Variants in DDHD1 observed in about 807,000 individuals in gnomAD.
DDHD1 encodes phospholipase DDHD1.
A neutral mutation model predicts 96.4 loss-of-function variants in DDHD1; 49 were observed. The observed-to-expected ratio is 0.51, with a 90% CI of 0.40 to 0.64. The LOEUF is 0.64. Among genes scored for constraint, DDHD1 ranks in the 30% least tolerant of loss-of-function variants. The pLI is 0.00. For synonymous variants in DDHD1, 442 were observed against 446.5 expected (o/e 0.99, Z 0.13); for missense variants, 1,106 against 1,161.2 (o/e 0.95, Z 0.69).
chr14:53,121,422 C>T (rs752340628), intron 1 of DDHD1, among the ~76,000 whole-genome samples: 39 of 152,140 alleles, frequency 2.6e-4, no homozygotes, highest in Admixed American at 1.0e-3. Context: ...CCAGCAATCC[C>T]GTTACTGGGT....
In DDHD1 at chr14:53,091,938, G is replaced by C. The variant is rs1886464325; in HGVS notation, c.1142-6C>G. On this transcript the variant is annotated splice_polypyrimidine_tract_variant and splice_region_variant and intron_variant, in intron 3 of 12. Transcript: ENST00000673822. Reference sequence around the variant, plus strand: ...TCTGGTACCACTACTTGATGCTGTAGAAAAATTATAATTCTAAGTTTACTA... The same window carrying C: ...TCTGGTACCACTACTTGATGCTGTACAAAAATTATAATTCTAAGTTTACTA... 6.3e-7 allele frequency: 1 copy of C among 1,592,432 alleles called. No homozygotes were observed. The highest frequency in any genetic ancestry group is 8.6e-7 in the Non-Finnish European group (1 of 1,169,262).
chr14:53,102,271 A>G (rs1398613045), intron 2 of DDHD1, among the ~76,000 whole-genome samples: 2 of 152,098 alleles, frequency 1.3e-5, no homozygotes, highest in African/African-American at 4.8e-5. Flanking sequence ...GATCACAGAT[A>G]TATAAAACTT....
At position 53,086,972 on chromosome 14, in the gene DDHD1, CAAAAAAA is replaced by C. The variant is rs60569444; in HGVS notation, c.1289+4806_1289+4812del. 6.3e-4 allele frequency among the ~76,000 whole-genome samples: 33 copies of C among 52,216 alleles called. No individual in the cohort carries two copies. In the South Asian group the frequency reaches 0.022, roughly 35 times the overall value. The allele number at this position is 52,216 out of a possible 152,430, so 34.3% of individuals were successfully genotyped here. ...GAAGCTCAACCAAGCAAATGAAAAG[CAAAAAAA>C]AAAAAAAAAAAAAAAGCAGGGATTG... On this transcript the variant is annotated intron_variant, in intron 4 of 12. Transcript: ENST00000673822.
intron 1 of DDHD1, among the ~76,000 whole-genome samples, chr14:53,110,503 C>G (rs945871069): frequency 6.6e-6 from 1 of 152,200 alleles, no homozygotes; most frequent in Non-Finnish European, 1.5e-5. Flanking sequence ...ATTTAGCTAG[C>G]TTTTACATTT....
chr14:53,077,373 C>T (rs1024173090), intron 4 of DDHD1, among the ~76,000 whole-genome samples: 3 of 152,180 alleles, frequency 2.0e-5, no homozygotes, highest in Admixed American at 1.3e-4. Flanking sequence ...AATTTCCTTA[C>T]ATTAAATATT....
At chr14:53,047,871 G>C (rs1306826335) in intron 12 of DDHD1, among the ~76,000 whole-genome samples, 2 of 152,140 alleles carry the variant, frequency 1.3e-5, no homozygotes, top group African/African-American at 4.8e-5. Context: ...CTGTTAATGA[G>C]CCGTACAGTG....
intron 8 of DDHD1, among the ~76,000 whole-genome samples, chr14:53,059,554 T>C (rs556271826): frequency 2.0e-4 from 30 of 148,804 alleles, no homozygotes; most frequent in African/African-American, 7.3e-4. Context: ...CATAACCTGG[T>C]TTATTTTTGA....
chr14:53,054,312 T>C, intron 11 of DDHD1, 126 bp downstream of exon 11: 1 of 814,874 alleles, frequency 1.2e-6, no homozygotes, highest in Non-Finnish European at 1.8e-6. Flanking sequence ...ATTTTTTTCT[T>C]TCAAAGTTAA....
At chr14:53,093,571 A>C (rs541197670) in intron 2 of DDHD1, 127 bp from the exon 3 acceptor site, 2 of 1,212,488 alleles carry the variant, frequency 1.6e-6, no homozygotes, top group East Asian at 2.5e-5. Context: ...ACTTAATTCA[A>C]TAAAACACTA....
At position 53,152,457 on chromosome 14, in the gene DDHD1, A is replaced by G. The variant is rs751859712; in HGVS notation, c.642T>C (p.His214=). Residue 214 remains histidine (H), a synonymous_variant, in exon 1 of 13, where the codon CAT becomes CAC. Coordinates refer to ENST00000673822, the MANE Select transcript of DDHD1 (RefSeq NM_001160148.2). The part of the protein sequence containing the change: ...RPQGGDRDGD[H]VCSPTGPASS... ...AGGCTGGGCCCGTGGGGGAGCACAC[A>G]TGGTCGCCGTCCCGGTCCCCGCCCT... The G allele has an allele frequency of 6.2e-6, 10 of 1,613,130 alleles. No individual in the cohort carries two copies. The South Asian group carries it at 1.1e-4, about 18-fold the overall frequency.
intron 8 of DDHD1, 52 bp from the exon 9 acceptor site, chr14:53,058,678 C>A: frequency 6.6e-7 from 1 of 1,525,966 alleles, no homozygotes; most frequent in Admixed American, 2.2e-5. Flanking sequence ...TGTTATCTTT[C>A]AACAAAATTT....
chr14:53,050,140 C>T (rs1882409030), intron 12 of DDHD1, among the ~76,000 whole-genome samples: 2 of 152,218 alleles, frequency 1.3e-5, no homozygotes, highest in South Asian at 4.2e-4. Flanking sequence ...AGATGGCTTT[C>T]ACCTGGAGAA....
chr14:53,148,598 C>T (rs1891154340), intron 1 of DDHD1, among the ~76,000 whole-genome samples: 1 of 152,212 alleles, frequency 6.6e-6, no homozygotes, highest in African/African-American at 2.4e-5. Context: ...CAGGCATGAG[C>T]CACCACGCCT....
chr14:53,094,896 G>A (rs1886749153), intron 2 of DDHD1, among the ~76,000 whole-genome samples: 1 of 151,086 alleles, frequency 6.6e-6, no homozygotes, highest in South Asian at 2.1e-4. Context: ...CTGGGGATAT[G>A]CTTGGTGAAA....
intron 1 of DDHD1, among the ~76,000 whole-genome samples, chr14:53,122,875 T>G (rs1889108812): frequency 6.6e-6 from 1 of 151,878 alleles, no homozygotes; most frequent in African/African-American, 2.4e-5. Context: ...CCAGTAATTC[T>G]TTATGTTATA....
Position 53,040,210 on chromosome 14 carries a change from T to G in DDHD1, c.*6558A>C, listed in dbSNP as rs1310134527. ...TATGGTCACTGACTGAACCCTGGAC[T>G]GAGAAATTGTGAATGAACCATAATC... On this transcript the variant is annotated 3_prime_UTR_variant, in exon 13 of 13. Transcript: ENST00000673822. 6.6e-6 allele frequency: 1 copy of G among 152,200 alleles called. No individual in the cohort carries two copies. The highest frequency in any genetic ancestry group is 2.4e-5 in the African/African-American group (1 of 41,452). 9.4% of individuals were successfully genotyped at this position (152,200 alleles called of 1,614,324 possible).
intron 11 of DDHD1, among the ~76,000 whole-genome samples, 177 bp from the exon 12 acceptor site, chr14:53,052,104 C>T (rs973967249): frequency 6.6e-6 from 1 of 151,916 alleles, no homozygotes; most frequent in Admixed American, 6.6e-5. Flanking sequence ...AAAATGTAAG[C>T]ATAACTAACT....
At chr14:53,122,483 C>G (rs1889069451) in intron 1 of DDHD1, among the ~76,000 whole-genome samples, 1 of 152,046 alleles carries the variant, frequency 6.6e-6, no homozygotes, top group African/African-American at 2.4e-5. Context: ...CTTGGGTGCT[C>G]TATCTCAGTT....
intron 1 of DDHD1, among the ~76,000 whole-genome samples, chr14:53,150,401 T>A (rs1474452180): frequency 2.0e-5 from 3 of 152,258 alleles, no homozygotes; most frequent in Admixed American, 2.0e-4. Flanking sequence ...TAAGTGGCCT[T>A]GGACAAGTTC....
Sources: allele counts gnomAD v4.1 joint callset (sites outside exome capture counted in the v4.1 genomes callset), GRCh38; gene constraint gnomAD v4.1.1; transcripts MANE v1.5; gene names NCBI Gene and HGNC (gene_info 2026-07-23, HGNC 2026-07-21).